Variants in ANTXRL observed in about 807,000 individuals in gnomAD.
ANTXRL encodes anthrax toxin receptor-like.
A neutral mutation model predicts 75.4 loss-of-function variants in ANTXRL; 63 were observed. The ratio of observed to expected loss-of-function variants is 0.84; its 90% CI spans 0.68 to 1.03. The LOEUF is 1.03. Among genes scored for constraint, ANTXRL ranks in the 50% least tolerant of loss-of-function variants. The pLI is 0.00. For synonymous variants in ANTXRL, 335 were observed against 291.3 expected (o/e 1.15, Z -1.53); for missense variants, 797 against 789.4 (o/e 1.01, Z -0.12).
chr10:46,312,424 AGGGCGCCT>A lies in ANTXRL; in HGVS notation c.1329+763_1329+770del, dbSNP rs1234274456. 2.0e-5 allele frequency among the ~76,000 whole-genome samples: 3 copies of A among 146,856 alleles called. 1 individual carries two copies. The highest frequency in any genetic ancestry group is 4.6e-5 in the Non-Finnish European group (3 of 65,664). On this transcript the variant is annotated intron_variant, in intron 15 of 16. Coordinates refer to ENST00000620264, the MANE Select transcript of ANTXRL (RefSeq NM_001278688.3). ...CAGGGGACCCTGCACAGGGGTAGAG[AGGGCGCCT>A]GGGTGGCTGGTGTTGAGGGAGAGGG... is the stretch of plus-strand genomic sequence containing the variant.
intron 13 of ANTXRL, among the ~76,000 whole-genome samples, 170 bp from the exon 14 acceptor site, chr10:46,310,291 G>A (rs1478534688): frequency 1.3e-5 from 2 of 152,100 alleles, no homozygotes; most frequent in African/African-American, 2.4e-5. Flanking sequence ...TGAGGCCCAG[G>A]AGGAGGAGCC....
rs1392940091 is a variant in ANTXRL, at chr10:46,327,250, G to A, written c.1411-2349G>A. Among the ~76,000 whole-genome samples the A allele has an allele frequency of 1.9e-4, 29 of 152,074 alleles. 2 individuals carry two copies. Among genetic ancestry groups the A allele is most frequent in the Non-Finnish European group, 3.7e-4 (25 of 68,028 alleles). Reference sequence around the variant, plus strand: ...AGACCCCAGGAACCTGGCAGGGGACGGTCTGGCGTGCAGGCTGGGTGGAGG... The same window carrying A: ...AGACCCCAGGAACCTGGCAGGGGACAGTCTGGCGTGCAGGCTGGGTGGAGG... On this transcript the variant is annotated intron_variant, in intron 16 of 16. Transcript: ENST00000620264.
Position 46,291,354 on chromosome 10 carries a change from A to G in ANTXRL, c.249-704A>G, listed in dbSNP as rs549073665. Among the ~76,000 whole-genome samples the G allele has an allele frequency of 1.5e-3, 231 of 151,250 alleles. 1 individual carries two copies. The South Asian group carries it at 0.02, about 13-fold the overall frequency. On this transcript the variant is annotated intron_variant, in intron 1 of 16. Coordinates refer to ENST00000620264, the MANE Select transcript of ANTXRL (RefSeq NM_001278688.3). The stretch of plus-strand genomic sequence containing the variant: ...TAGCTTTGTAATAAATTCTGAAATC[A>G]GGAAATGTGTATCCTCAATCTTGTT...
At chr10:46,314,328 T>C (rs1418240678) in intron 16 of ANTXRL, among the ~76,000 whole-genome samples, 1 of 152,122 alleles carries the variant, frequency 6.6e-6, no homozygotes, top group Non-Finnish European at 1.5e-5. Context: ...ATCCCAGCCA[T>C]GCTTGCACAG....
intron 16 of ANTXRL, 147 bp from the exon 17 acceptor site, chr10:46,329,452 C>T: frequency 9.3e-7 from 1 of 1,070,146 alleles, no homozygotes; most frequent in Non-Finnish European, 1.3e-6. Context: ...GAGGCAGCAC[C>T]AAGGGGAGAG....
chr10:46,300,327 T>C (rs547688012), intron 9 of ANTXRL, among the ~76,000 whole-genome samples: 5 of 152,008 alleles, frequency 3.3e-5, no homozygotes, highest in African/African-American at 9.7e-5. Flanking sequence ...AGGCTGCCAC[T>C]GAGAAGCCAG....
At position 46,297,344 on chromosome 10, in the gene ANTXRL, A is replaced by G. The variant is rs1554959081; in HGVS notation, c.585+16A>G. 6.5e-7 allele frequency: 1 copy of G among 1,536,278 alleles called. No homozygotes were observed. Among genetic ancestry groups the G allele is most frequent in the Non-Finnish European group, 8.7e-7 (1 of 1,146,758 alleles). ...TCTCAGAGAAGTGAGTCCAGTTCAT[A>G]CTTACCAGCATTTTGCTCCATGTAT... On this transcript the variant is annotated intron_variant, in intron 6 of 16. Coordinates refer to ENST00000620264, the MANE Select transcript of ANTXRL (RefSeq NM_001278688.3).
At chr10:46,287,953 G>C (rs1836832029) in intron 1 of ANTXRL, among the ~76,000 whole-genome samples, 1 of 152,092 alleles carries the variant, frequency 6.6e-6, no homozygotes, top group African/African-American at 2.4e-5. Flanking sequence ...GCCTGTGTTG[G>C]GCATTCTAAT....
chr10:46,293,329 AGTGTGT>A (rs1245329444), intron 2 of ANTXRL, among the ~76,000 whole-genome samples: 1 of 70,454 alleles, frequency 1.4e-5, no homozygotes, highest in Non-Finnish European at 2.9e-5. Flanking sequence ...CCTGTGTGTG[AGTGTGT>A]GCGTGTGTGC....
chr10:46,300,430 G>C (rs140800802), intron 9 of ANTXRL, among the ~76,000 whole-genome samples: 2,381 of 152,178 alleles, frequency 0.016, 33 homozygotes, highest in Non-Finnish European at 0.023. Context: ...TCCAGCCTGG[G>C]AGAGGCCTCT....
In ANTXRL at chr10:46,297,447, G is replaced by A; in HGVS notation, c.627G>A (p.Leu209=). The change falls in exon 7 of 17, where the codon CTG becomes CTA. Residue 209 remains leucine, a synonymous_variant. Transcript: ENST00000620264. The part of the protein sequence containing the change: ...ARKLGANVYT[L]GVADYNLDQI... ...AACTGGGGGCCAACGTTTACACCCT[G>A]GGTGTGGCTGATTATAATCTGGATC... 1 of 1,535,834 alleles carries A rather than the reference G, an allele frequency of 6.5e-7. No individual in the cohort carries two copies. Among genetic ancestry groups the A allele is most frequent in the African/African-American group, 1.4e-5 (1 of 73,114 alleles).
chr10:46,287,092 A>G lies in ANTXRL; in HGVS notation c.-171A>G, dbSNP rs1191882961. 2.4e-6 allele frequency: 2 copies of G among 846,434 alleles called. No homozygotes were observed. Among genetic ancestry groups the G allele is most frequent in the African/African-American group, 3.4e-5 (2 of 58,054 alleles). 52.4% of individuals were successfully genotyped at this position (846,434 alleles called of 1,614,324 possible). On this transcript the variant is annotated 5_prime_UTR_variant, in exon 1 of 17. Coordinates refer to ENST00000620264, the MANE Select transcript of ANTXRL (RefSeq NM_001278688.3). ...CCAGCTGCTGACCCTAGTCCCTGCG[A>G]TCTGGGGAGGTACCTGGTGGAGGGC...
intron 16 of ANTXRL, among the ~76,000 whole-genome samples, chr10:46,322,033 A>G (rs1230478461): frequency 6.6e-6 from 1 of 152,102 alleles, no homozygotes; most frequent in Non-Finnish European, 1.5e-5. Flanking sequence ...GAGTTTCCTT[A>G]TTGCTGGAGA....
At chr10:46,297,156 A>G in intron 5 of ANTXRL, 96 bp from the exon 6 acceptor site, 1 of 1,015,416 alleles carries the variant, frequency 9.8e-7, no homozygotes, top group Non-Finnish European at 1.5e-6. Flanking sequence ...TGGAGTGGGC[A>G]GCGCTGTGGG....
chr10:46,297,971 C>T (rs1837486819), intron 8 of ANTXRL, 31 bp from the exon 9 acceptor site: 1 of 1,535,684 alleles, frequency 6.5e-7, no homozygotes, highest in African/African-American at 1.4e-5. Context: ...GCTCACTCTC[C>T]CTGTCCCGCC....
chr10:46,324,564 T>C (rs1437912412), intron 16 of ANTXRL, among the ~76,000 whole-genome samples: 2 of 152,172 alleles, frequency 1.3e-5, no homozygotes, highest in East Asian at 3.8e-4. Flanking sequence ...TTAAATCTCC[T>C]ACAATTGTTG....
chr10:46,292,122 T>A lies in ANTXRL; in HGVS notation c.313T>A (p.Phe105Ile). ...GTGGGTGGAGGAAACAGTGGCGAGGTTCCAAAGGTACAGATCTCTGCATGG... is the reference window on the plus strand; with the variant it reads ...GTGGGTGGAGGAAACAGTGGCGAGGATCCAAAGGTACAGATCTCTGCATGG... ...YMWVEETVAR[F>I]QSPNIRMCFI... The change falls in exon 2 of 17, where the codon TTC becomes ATC. Residue 105 changes from phenylalanine to isoleucine, a missense_variant. Around this residue, in one of 3 missense-constraint regions of ANTXRL, gnomAD observed 262 missense variants for 271.9 expected, o/e 0.96. Coordinates refer to ENST00000620264, the MANE Select transcript of ANTXRL (RefSeq NM_001278688.3). The A allele has an allele frequency of 6.5e-7, 1 of 1,536,058 alleles. No homozygotes were observed. Among genetic ancestry groups the A allele is most frequent in the Non-Finnish European group, 8.7e-7 (1 of 1,146,746 alleles).
intron 16 of ANTXRL, 32 bp from the exon 17 acceptor site, chr10:46,329,567 C>CGGTGACCT: frequency 6.6e-7 from 1 of 1,526,128 alleles, no homozygotes; most frequent in Admixed American, 2.0e-5. Context: ...AATGCCATCA[C>CGGTGACCT]GGTGACCTTC....
At chr10:46,287,553 G>A (rs1836815253) in intron 1 of ANTXRL, 43 bp downstream of exon 1, 4 of 1,506,656 alleles carry the variant, frequency 2.7e-6, no homozygotes, top group African/African-American at 1.4e-5. Context: ...ACCCTCAGGA[G>A]CCACTGTCTC....
Sources: gnomAD v4.1 joint callset for allele counts (sites outside exome capture counted in the v4.1 genomes callset) on GRCh38, gnomAD v4.1.1 for gene constraint, gnomAD v4.1.1 regional missense constraint, MANE v1.5 for transcripts, NCBI Gene and HGNC (gene_info 2026-07-23, HGNC 2026-07-21) for gene names.